The following ACSF2 variants were observed in gnomAD, a reference collection of about 807,000 sequenced individuals.
ACSF2 encodes the protein acyl-CoA synthetase family member 2.
ACSF2 carries 52 observed loss-of-function variants against 79.3 expected under a neutral mutation model. The ratio of observed to expected loss-of-function variants is 0.66; its 90% CI spans 0.53 to 0.83. ACSF2 has a LOEUF of 0.83. ACSF2 is among the 40% of genes least tolerant of loss of function. The pLI, the probability that ACSF2 is intolerant of heterozygous loss-of-function variation, is 0.00. For missense variants in ACSF2, 661 were observed against 803.3 expected, an observed-to-expected ratio of 0.82 and a Z score of 2.14; for synonymous variants, 283 against 312.6, an observed-to-expected ratio of 0.91 and a Z score of 1.00.
At chr17:50,461,002 A>C in intron 2 of ACSF2, 130 bp downstream of exon 2, 1 of 1,209,482 alleles carries the variant, frequency 8.3e-7, no homozygotes, top group Non-Finnish European at 1.1e-6. Flanking sequence ...ACCCCGAGGG[A>C]TGGCAGGAGA....
chr17:50,470,888 A>G (rs557376903), intron 10 of ACSF2, 140 bp from the exon 11 acceptor site: 9 of 668,112 alleles, frequency 1.3e-5, no homozygotes, highest in African/African-American at 1.3e-4. Context: ...GCCCCTACCA[A>G]TGATGTCTCT....
At chr17:50,431,258 C>T (rs2029899393) in intron 1 of ACSF2, among the ~76,000 whole-genome samples, 1 of 152,118 alleles carries the variant, frequency 6.6e-6, no homozygotes, top group African/African-American at 2.4e-5. Flanking sequence ...CTGCAGTGTA[C>T]TGTGAAGCAT....
chr17:50,426,894 T>C, intron 1 of ACSF2: 6 of 1,535,344 alleles, frequency 3.9e-6, no homozygotes, highest in Non-Finnish European at 5.2e-6. Context: ...CCTATTTCCT[T>C]CTGTCCTCAG....
At chr17:50,464,522 A>G (rs1220925113) in intron 10 of ACSF2, 2 of 672,466 alleles carry the variant, frequency 3.0e-6, no homozygotes, top group Non-Finnish European at 5.5e-6. Context: ...ATTTATATTT[A>G]TAGAAATCTC....
At position 50,474,114 on chromosome 17, in the gene ACSF2, T is replaced by G; in HGVS notation, c.1729-85T>G. 3 of 1,596,308 alleles carry G rather than the reference T, an allele frequency of 1.9e-6. No individual in the cohort carries two copies. In the Admixed American group the frequency reaches 5.0e-5, roughly 27 times the overall value. ...CTCTGCCCTTGACGAAGCTGACTCC[T>G]GGCCAGGCCAGCCCCTGGTCCCCTA... On this transcript the variant is annotated intron_variant, in intron 14 of 15. Coordinates refer to ENST00000300441, the MANE Select transcript of ACSF2 (RefSeq NM_025149.6). The surrounding 1 kb of genome is among the most constrained non-coding windows in gnomAD (Gnocchi z 4.2).
Position 50,463,926 on chromosome 17 carries a change from G to T in ACSF2, c.1138+17G>T. 1.2e-6 allele frequency: 2 copies of T among 1,612,784 alleles called. No homozygotes were observed. Among genetic ancestry groups the T allele is most frequent in the Non-Finnish European group, 1.7e-6 (2 of 1,179,038 alleles). On this transcript the variant is annotated intron_variant, in intron 9 of 15. Transcript: ENST00000300441. The surrounding 1 kb of genome is among the most constrained non-coding windows in gnomAD (Gnocchi z 4.6). ...TGTGTGGAGGTGGGGTGGGGCCAAG[G>T]GCAGCCAGGCTTGGGGAGGGGGCTG...
rs1455287038 is a variant in ACSF2 at position 50,463,955 on chromosome 17, C to T, written c.1138+46C>T. 1 of 1,584,348 alleles carries T rather than the reference C, an allele frequency of 6.3e-7. No homozygotes were observed. ...GCCAGGCTTGGGGAGGGGGCTGCTT[C>T]CCCCACAGGAATGGCCCGGGTGAGT... On this transcript the variant is annotated intron_variant, in intron 9 of 15. Coordinates refer to ENST00000300441, the MANE Select transcript of ACSF2 (RefSeq NM_025149.6). This position sits in a 1 kb window ranked among gnomAD's most constrained non-coding sequence, Gnocchi z 4.6.
chr17:50,471,186 G>A lies in ACSF2; in HGVS notation c.1323+51G>A, dbSNP rs544361965. On this transcript the variant is annotated intron_variant, in intron 11 of 15. Transcript: ENST00000300441. The surrounding 1 kb of genome is among the most constrained non-coding windows in gnomAD (Gnocchi z 4.1). Reference sequence around the variant, plus strand: ...GTCCCACCTCCCGTCACCCAGCTGGGGTGCACCCAGCTGGGACATCGGTTG... The same window carrying A: ...GTCCCACCTCCCGTCACCCAGCTGGAGTGCACCCAGCTGGGACATCGGTTG... The A allele has an allele frequency of 6.6e-7, 1 of 1,508,482 alleles. No individual in the cohort carries two copies. Among genetic ancestry groups the A allele is most frequent in the Non-Finnish European group, 9.2e-7 (1 of 1,085,426 alleles). 93.4% of individuals were successfully genotyped at this position (1,508,482 alleles called of 1,614,324 possible). A position where few individuals can be genotyped will look rare whatever the true frequency, so the allele number is the denominator to read the frequency against.
chr17:50,461,954 G>C (rs12602634), intron 4 of ACSF2, among the ~76,000 whole-genome samples: 4 of 151,754 alleles, frequency 2.6e-5, no homozygotes, highest in Non-Finnish European at 5.9e-5. Context: ...GTGTGTGTGC[G>C]TGTGTCCATC....
At chr17:50,472,368 G>A (rs1019389827) in intron 11 of ACSF2, 60 bp from the exon 12 acceptor site, 73 of 1,570,670 alleles carry the variant, frequency 4.6e-5, no homozygotes, top group Admixed American at 1.4e-4. Flanking sequence ...CCATTTCCAA[G>A]GACCACCTAT....
At chr17:50,464,037 G>A in intron 9 of ACSF2, 128 bp downstream of exon 9, 3 of 964,094 alleles carry the variant, frequency 3.1e-6, no homozygotes, top group Non-Finnish European at 4.8e-6. Context: ...AAAAATGTGG[G>A]TGGGAGGGAG....
At position 50,464,770 on chromosome 17, in the gene ACSF2, G is replaced by GGGGC. The variant is rs2032576621; in HGVS notation, c.1215+479_1215+480insCGGG. 3 of 163,352 alleles carry GGGGC rather than the reference G, an allele frequency of 1.8e-5. 1 individual carries two copies. The highest frequency in any genetic ancestry group is 2.3e-5 in the Non-Finnish European group (2 of 86,610). The allele number at this position is 163,352 out of a possible 1,614,324, so 10.1% of individuals were successfully genotyped here. A position where few individuals can be genotyped will look rare whatever the true frequency, so the allele number is the denominator to read the frequency against. On this transcript the variant is annotated intron_variant, in intron 10 of 15. Transcript: ENST00000300441. ...AACCTGTTGTGGTTCTGATTGACTT[G>GGGGC]GGGGGGGGGTCTCAGCAACAGCTTC...
In ACSF2 at chr17:50,465,720, G is replaced by A. The variant is rs138200891; in HGVS notation, c.1215+1426G>A. The A allele has an allele frequency of 4.0e-5, 65 of 1,613,508 alleles. No individual in the cohort carries two copies. The highest frequency in any genetic ancestry group is 1.5e-4 in the South Asian group (14 of 91,042). On this transcript the variant is annotated intron_variant, in intron 10 of 15. Transcript: ENST00000300441. ...AAGTGTTCTTACCGCCGAAGGCCCC[G>A]GAGCTGGCAGGTACACTTCCAGGGG...
chr17:50,460,382 C>A, intron 1 of ACSF2: 1 of 478,546 alleles, frequency 2.1e-6, no homozygotes, highest in Admixed American at 2.8e-5. Context: ...TGTCTGTCTG[C>A]ACAGGCAGGC....
chr17:50,434,377 T>C (rs895202704), intron 1 of ACSF2, among the ~76,000 whole-genome samples: 5 of 151,692 alleles, frequency 3.3e-5, no homozygotes, highest in African/African-American at 4.8e-5. Flanking sequence ...TCCACCAATA[T>C]AGAGTATCTT....
At chr17:50,461,209 C>T in intron 2 of ACSF2, 33 bp from the exon 3 acceptor site, 1 of 1,613,908 alleles carries the variant, frequency 6.2e-7, no homozygotes, top group South Asian at 1.1e-5. Context: ...TGCTTGCCCC[C>T]TTTCACCCCT....
chr17:50,434,645 C>T (rs2030232931), intron 1 of ACSF2, among the ~76,000 whole-genome samples: 1 of 151,998 alleles, frequency 6.6e-6, no homozygotes, highest in Non-Finnish European at 1.5e-5. Flanking sequence ...GAGATAGCAC[C>T]ACCTCATTCC....
At chr17:50,468,877 T>G (rs1033941521) in intron 10 of ACSF2, 113 of 1,440,212 alleles carry the variant, frequency 7.8e-5, no homozygotes, top group Non-Finnish European at 1.0e-4. Context: ...CAGCGGCGAG[T>G]CCTAGGCGCT....
chr17:50,463,324 T>C lies in ACSF2; in HGVS notation c.889-71T>C. 8 of 1,609,538 alleles carry C rather than the reference T, an allele frequency of 5.0e-6. No individual in the cohort carries two copies. Among genetic ancestry groups the C allele is most frequent in the Non-Finnish European group, 6.8e-6 (8 of 1,177,326 alleles). On this transcript the variant is annotated intron_variant, in intron 7 of 15. Transcript: ENST00000300441. The surrounding 1 kb of genome is among the most constrained non-coding windows in gnomAD (Gnocchi z 4.6). ...GGCAGGGGTGGGGGGCTGGCTGGGCTCCCCTTGCCAGCTAGAGAGGAACTG... is the reference window on the plus strand; with the variant it reads ...GGCAGGGGTGGGGGGCTGGCTGGGCCCCCCTTGCCAGCTAGAGAGGAACTG...
Sources: allele counts gnomAD v4.1 joint callset (sites outside exome capture counted in the v4.1 genomes callset), GRCh38; gene constraint gnomAD v4.1.1; non-coding constraint Gnocchi (gnomAD v3.1); transcripts MANE v1.5; gene names NCBI Gene and HGNC (gene_info 2026-07-23, HGNC 2026-07-21).